PCDHGA1: variants seen among roughly 807,000 people sequenced by gnomAD.
PCDHGA1 encodes protocadherin gamma subfamily A, 1.
Under a neutral mutation model 58.0 loss-of-function variants are expected in PCDHGA1, and 32 were observed. That is an observed-to-expected ratio of 0.55 (90% confidence interval 0.42 to 0.74). The LOEUF (loss-of-function observed/expected upper bound fraction) is 0.74. PCDHGA1 is among the 30% of genes least tolerant of loss of function. PCDHGA1 has a pLI of 0.00. For synonymous variants in PCDHGA1, 498 were observed against 501.1 expected (o/e 0.99, Z 0.08); for missense variants, 1,205 against 1,182.3 (o/e 1.02, Z -0.28).
intron 1 of PCDHGA1, chr5:141,339,698 A>C: frequency 1.2e-6 from 2 of 1,614,142 alleles, no homozygotes; most frequent in Admixed American, 1.7e-5. Context: ...GCCTGTTTTT[A>C]CACAGCCCGA....
At chr5:141,399,942 G>T (rs780939486) in intron 1 of PCDHGA1, 2 of 1,612,258 alleles carry the variant, frequency 1.2e-6, no homozygotes, top group Admixed American at 3.3e-5. Flanking sequence ...ACCACGTGCT[G>T]CAGGCTAGCG....
chr5:141,409,887 T>C, intron 1 of PCDHGA1: 2 of 1,613,062 alleles, frequency 1.2e-6, no homozygotes, highest in Admixed American at 1.7e-5. Context: ...GCACCGCGGG[T>C]GCTGTACCCA....
chr5:141,429,861 A>C (rs1483953460), intron 1 of PCDHGA1, among the ~76,000 whole-genome samples: 1 of 152,226 alleles, frequency 6.6e-6, no homozygotes, highest in Non-Finnish European at 1.5e-5. Flanking sequence ...TCTTTGGACT[A>C]CCAATTTTCT....
chr5:141,364,214 G>A lies in PCDHGA1; in HGVS notation c.2421+31109G>A, dbSNP rs935384771. 7 of 1,287,292 alleles carry A rather than the reference G, an allele frequency of 5.4e-6. No individual in the cohort carries two copies. In the African/African-American group the frequency reaches 6.0e-5, roughly 11 times the overall value. The allele number at this position is 1,287,292 out of a possible 1,614,324, so 79.7% of individuals were successfully genotyped here. A position where few individuals can be genotyped will look rare whatever the true frequency, so the allele number is the denominator to read the frequency against. On this transcript the variant is annotated intron_variant, in intron 1 of 3. Transcript: ENST00000517417. ...ACACACAGACCAGACAAGCTCCTAC[G>A]AAAAGCCAACGCTCCACGCCCATTT...
rs1049654933 is a variant in PCDHGA1 at position 141,497,808 on chromosome 5, A to G, written c.2480+2943A>G. 2.6e-5 allele frequency among the ~76,000 whole-genome samples: 4 copies of G among 152,282 alleles called. No homozygotes were observed. The East Asian group carries it at 7.7e-4, about 29-fold the overall frequency. Reference sequence around the variant, plus strand: ...ACCTGCTTCAGCTTCCCAAAGTGCTAGAATTACAGGTGTGATCGCCCCCGG... The same window carrying G: ...ACCTGCTTCAGCTTCCCAAAGTGCTGGAATTACAGGTGTGATCGCCCCCGG... On this transcript the variant is annotated intron_variant, in intron 2 of 3. Coordinates refer to ENST00000517417, the MANE Select transcript of PCDHGA1 (RefSeq NM_018912.3).
At position 141,404,735 on chromosome 5, in the gene PCDHGA1, G is replaced by A. The variant is rs2094561317; in HGVS notation, c.2421+71630G>A. The stretch of plus-strand genomic sequence containing the variant: ...CCTGGTGACCAAGGTGGTGGCAGTG[G>A]ACAGAGACTCAGGCCAGAATGCTTG... On this transcript the variant is annotated intron_variant, in intron 1 of 3. Transcript: ENST00000517417. 6.2e-7 allele frequency: 1 copy of A among 1,614,014 alleles called. No homozygotes were observed. The highest frequency in any genetic ancestry group is 8.5e-7 in the Non-Finnish European group (1 of 1,180,032).
chr5:141,504,228 C>T lies in PCDHGA1; in HGVS notation c.2481-1165C>T, dbSNP rs114896014. Among the ~76,000 whole-genome samples, 193 of 152,312 alleles carry T rather than the reference C, an allele frequency of 1.3e-3. 1 individual carries two copies. The highest frequency in any genetic ancestry group is 2.1e-3 in the Admixed American group (32 of 15,304). ...AAAATTCCAAGTAGAGCTGAACCTT[C>T]TAAGAAGCAGAGAGTTCTTCTTATG... On this transcript the variant is annotated intron_variant, in intron 2 of 3. Coordinates refer to ENST00000517417, the MANE Select transcript of PCDHGA1 (RefSeq NM_018912.3).
intron 1 of PCDHGA1, among the ~76,000 whole-genome samples, chr5:141,457,543 A>G (rs555448211): frequency 2.6e-5 from 4 of 152,346 alleles, no homozygotes; most frequent in African/African-American, 9.6e-5. Flanking sequence ...TTAATGACAA[A>G]TGTATGATAA....
intron 1 of PCDHGA1, chr5:141,421,633 G>C (rs1369645749): frequency 1.9e-6 from 3 of 1,613,716 alleles, no homozygotes; most frequent in Non-Finnish European, 2.5e-6. Context: ...CAGCTTCCAG[G>C]AGGACGAAGT....
At chr5:141,399,001 T>C in intron 1 of PCDHGA1, 1 of 1,613,890 alleles carries the variant, frequency 6.2e-7, no homozygotes, top group Non-Finnish European at 8.5e-7. Context: ...TAGTCTGAAT[T>C]CAAAGAGCGG....
intron 1 of PCDHGA1, chr5:141,350,773 C>T (rs1758555633): frequency 6.2e-7 from 1 of 1,613,942 alleles, no homozygotes; most frequent in Non-Finnish European, 8.5e-7. Flanking sequence ...CCATCAACCC[C>T]AATCAATACT....
intron 1 of PCDHGA1, among the ~76,000 whole-genome samples, chr5:141,433,948 T>C (rs1473404279): frequency 2.0e-5 from 3 of 152,234 alleles, no homozygotes; most frequent in Non-Finnish European, 4.4e-5. Context: ...CATTGTTTCT[T>C]CTACAGTTGT....
Position 141,376,694 on chromosome 5 carries a change from T to A in PCDHGA1, c.2421+43589T>A, listed in dbSNP as rs77365062. On this transcript the variant is annotated intron_variant, in intron 1 of 3. Coordinates refer to ENST00000517417, the MANE Select transcript of PCDHGA1 (RefSeq NM_018912.3). Reference sequence around the variant, plus strand: ...GGGTATCGTTTTTTTTTTTTTTTTTTTTTGAGACGGAGTCTCGCTCTGTCG... The same window carrying A: ...GGGTATCGTTTTTTTTTTTTTTTTTATTTGAGACGGAGTCTCGCTCTGTCG... The A allele has an allele frequency of 5.1e-6, 4 of 779,702 alleles. 1 individual carries two copies. The highest frequency in any genetic ancestry group is 3.9e-6 in the Non-Finnish European group (2 of 515,410). 48.3% of individuals were successfully genotyped at this position (779,702 alleles called of 1,614,324 possible).
intron 1 of PCDHGA1, chr5:141,441,447 C>T: frequency 6.2e-6 from 1 of 161,550 alleles, no homozygotes. Flanking sequence ...CCAGCCCAAG[C>T]ATCACCCTAC....
intron 1 of PCDHGA1, chr5:141,376,282 G>A: frequency 6.2e-7 from 1 of 1,614,214 alleles, no homozygotes; most frequent in Non-Finnish European, 8.5e-7. Context: ...GTGGCTTAGC[G>A]AGCATGCCCG....
At chr5:141,419,694 G>A in intron 1 of PCDHGA1, 1 of 1,612,974 alleles carries the variant, frequency 6.2e-7, no homozygotes, top group Non-Finnish European at 8.5e-7. Context: ...GTGCAGGCCA[G>A]TGAGCCCGGG....
intron 1 of PCDHGA1, among the ~76,000 whole-genome samples, chr5:141,483,525 A>G (rs1442825090): frequency 1.3e-5 from 2 of 152,126 alleles, no homozygotes; most frequent in African/African-American, 4.8e-5. Context: ...ATCCTGACTA[A>G]GGAAGCTGGG....
At chr5:141,494,680 C>A in intron 1 of PCDHGA1, 127 bp from the exon 2 acceptor site, 1 of 1,560,094 alleles carries the variant, frequency 6.4e-7, no homozygotes, top group Non-Finnish European at 8.7e-7. Flanking sequence ...CCACCCCTGC[C>A]CCCTCTTAGT....
At position 141,344,546 on chromosome 5, in the gene PCDHGA1, G is replaced by T. The variant is rs761868330; in HGVS notation, c.2421+11441G>T. On this transcript the variant is annotated intron_variant, in intron 1 of 3. Transcript: ENST00000517417. ...GCATTAACTCCCTGCAGAACTACAA[G>T]CTTAGCCCCAATGACTACTTCTCTC... is the stretch of plus-strand genomic sequence containing the variant. 34 of 1,614,000 alleles carry T rather than the reference G, an allele frequency of 2.1e-5. No homozygotes were observed. In the South Asian group the frequency reaches 2.9e-4, roughly 14 times the overall value.
Sources: gnomAD v4.1 joint callset for allele counts (sites outside exome capture counted in the v4.1 genomes callset) on GRCh38, gnomAD v4.1.1 for gene constraint, MANE v1.5 for transcripts, NCBI Gene and HGNC (gene_info 2026-07-23, HGNC 2026-07-21) for gene names.